The following COPG2 variants were observed in gnomAD, a reference collection of about 807,000 sequenced individuals.
COPG2 encodes coatomer subunit gamma-2.
A neutral mutation model predicts 46.3 loss-of-function variants in COPG2; 37 were observed. The ratio of observed to expected loss-of-function variants is 0.80; its 90% CI spans 0.61 to 1.05. The LOEUF (loss-of-function observed/expected upper bound fraction) is 1.05, where lower values mean the gene tolerates loss of function less well. Among genes scored for constraint, COPG2 ranks in the 50% least tolerant of loss-of-function variants. The pLI is 0.00. For missense variants in COPG2, 427 were observed against 387.8 expected (o/e 1.10, Z -0.85); for synonymous variants, 159 against 129.7 (o/e 1.23, Z -1.53).
rs540823983 is a variant in COPG2 at position 130,633,835 on chromosome 7, G to C, written c.324-16770C>G. 2.0e-5 allele frequency among the ~76,000 whole-genome samples: 3 copies of C among 152,214 alleles called. No homozygotes were observed. In the South Asian group the frequency reaches 6.2e-4, roughly 32 times the overall value. On this transcript the variant is annotated intron_variant, in intron 5 of 23. Coordinates refer to ENST00000425248, the MANE Select transcript of COPG2 (RefSeq NM_012133.6). ...ATGGTATTACCGAGGTTTTCTTCTA[G>C]GGTTTTTATGGTTTTAGGTCTTACA...
Position 130,515,052 on chromosome 7 carries a change from T to C in COPG2, c.2150-6393A>G, listed in dbSNP as rs1324086751. ...GGGAGAAGTTGAAGAGCAATGCTTCTTAGAATGTGTTACATGGCACTATCT... is the reference window on the plus strand; with the variant it reads ...GGGAGAAGTTGAAGAGCAATGCTTCCTAGAATGTGTTACATGGCACTATCT... On this transcript the variant is annotated intron_variant, in intron 20 of 23. Coordinates refer to ENST00000425248, the MANE Select transcript of COPG2 (RefSeq NM_012133.6). 4.6e-5 allele frequency among the ~76,000 whole-genome samples: 7 copies of C among 152,320 alleles called. No homozygotes were observed. The East Asian group carries it at 1.3e-3, about 29-fold the overall frequency.
chr7:130,619,564 T>A (rs1795003307), intron 5 of COPG2, among the ~76,000 whole-genome samples: 7 of 152,224 alleles, frequency 4.6e-5, no homozygotes, highest in Admixed American at 4.6e-4. Flanking sequence ...ATTATAACAT[T>A]TACATTCTAT....
intron 17 of COPG2, 75 bp downstream of exon 17, chr7:130,550,449 A>T: frequency 6.7e-6 from 2 of 299,938 alleles, no homozygotes; most frequent in Non-Finnish European, 1.2e-5. Flanking sequence ...CAATTAAATG[A>T]GTATTAGAGA....
intron 9 of COPG2, among the ~76,000 whole-genome samples, chr7:130,566,522 T>C (rs1470991589): frequency 6.6e-6 from 1 of 152,158 alleles, no homozygotes; most frequent in Non-Finnish European, 1.5e-5. Flanking sequence ...AAGGCGAGGA[T>C]TAAAGAAAGA....
intron 11 of COPG2, among the ~76,000 whole-genome samples, chr7:130,562,645 A>C (rs1793737353): frequency 6.6e-6 from 1 of 152,226 alleles, no homozygotes; most frequent in African/African-American, 2.4e-5. Context: ...ATCCAAACTG[A>C]GTATGCTGTA....
chr7:130,524,608 G>A (rs1329578975), intron 20 of COPG2, among the ~76,000 whole-genome samples: 15 of 152,138 alleles, frequency 9.9e-5, no homozygotes, highest in African/African-American at 2.2e-4. Flanking sequence ...CATGCCAGGC[G>A]CCAAGAGGGA....
intron 9 of COPG2, among the ~76,000 whole-genome samples, chr7:130,598,090 T>C (rs781820324): frequency 2.0e-5 from 3 of 151,958 alleles, no homozygotes; most frequent in Non-Finnish European, 4.4e-5. Flanking sequence ...CCGCTTCTAG[T>C]GTAGGAAGCT....
At chr7:130,538,127 C>A (rs1361078718) in intron 20 of COPG2, among the ~76,000 whole-genome samples, 4 of 152,172 alleles carry the variant, frequency 2.6e-5, no homozygotes, top group Admixed American at 2.6e-4. Context: ...AGGAAAGATT[C>A]CTGAGTCTGT....
intron 5 of COPG2, among the ~76,000 whole-genome samples, chr7:130,648,691 T>C (rs1008873215): frequency 3.7e-4 from 56 of 152,338 alleles, no homozygotes; most frequent in African/African-American, 1.3e-3. Flanking sequence ...AATTCTGAAA[T>C]CCAGTTAGGC....
intron 9 of COPG2, chr7:130,604,773 T>C (rs1563056739): frequency 3.9e-6 from 2 of 507,442 alleles, no homozygotes; most frequent in Admixed American, 2.0e-5. Flanking sequence ...AAGCTTTTAA[T>C]AGTCCACCAA....
intron 9 of COPG2, among the ~76,000 whole-genome samples, chr7:130,578,785 G>A (rs1554446707): frequency 1.3e-5 from 2 of 151,214 alleles, no homozygotes; most frequent in African/African-American, 4.9e-5. Context: ...AAGCGAGAAG[G>A]GAAGTTTAGA....
intron 4 of COPG2, among the ~76,000 whole-genome samples, chr7:130,656,770 C>T (rs1489157496): frequency 6.6e-6 from 1 of 151,844 alleles, no homozygotes; most frequent in Non-Finnish European, 1.5e-5. Context: ...ACACTGAAAA[C>T]TATAAAATAC....
chr7:130,507,019 C>A (rs1418933884), intron 23 of COPG2, among the ~76,000 whole-genome samples: 1 of 152,096 alleles, frequency 6.6e-6, no homozygotes, highest in African/African-American at 2.4e-5. Flanking sequence ...TTCAAAAATA[C>A]CAATTTGGAG....
chr7:130,580,519 G>C (rs1162202223), intron 9 of COPG2, among the ~76,000 whole-genome samples: 41 of 134,738 alleles, frequency 3.0e-4, no homozygotes, highest in Non-Finnish European at 1.6e-5. Context: ...AGGAAATAGA[G>C]ACACAAAAAA....
At chr7:130,645,161 T>A in intron 5 of COPG2, 1 of 552,552 alleles carries the variant, frequency 1.8e-6, no homozygotes, top group Admixed American at 2.3e-5. Context: ...AGTAAGAAAA[T>A]ATGGTCCTCA....
In COPG2 at chr7:130,516,943, TGGCACAG is replaced by T. The variant is rs1799683198; in HGVS notation, c.2150-8291_2150-8285del. 2.0e-5 allele frequency among the ~76,000 whole-genome samples: 3 copies of T among 152,046 alleles called. No individual in the cohort carries two copies. The South Asian group carries it at 6.2e-4, about 32-fold the overall frequency. On this transcript the variant is annotated intron_variant, in intron 20 of 23. Coordinates refer to ENST00000425248, the MANE Select transcript of COPG2 (RefSeq NM_012133.6). The stretch of plus-strand genomic sequence containing the variant: ...GCACAGACAAATACAGTGGAGAATG[TGGCACAG>T]GGCAGAGGGCAGTGGGCTGAGCAGC...
chr7:130,666,797 C>A, intron 3 of COPG2, 52 bp downstream of exon 3: 1 of 783,854 alleles, frequency 1.3e-6, no homozygotes, highest in South Asian at 1.6e-5. Flanking sequence ...ACTGAATCTT[C>A]AGTATTTCTA....
At chr7:130,652,114 T>C (rs1554459213) in intron 5 of COPG2, among the ~76,000 whole-genome samples, 1 of 152,246 alleles carries the variant, frequency 6.6e-6, no homozygotes, top group Non-Finnish European at 1.5e-5. Context: ...ATTTTATCAA[T>C]GGTAGACACG....
intron 20 of COPG2, among the ~76,000 whole-genome samples, chr7:130,515,399 C>T (rs1321880346): frequency 6.6e-6 from 1 of 152,064 alleles, no homozygotes; most frequent in African/African-American, 2.4e-5. Context: ...AAGAACAGCA[C>T]CAAGGGGATG....
Sources: allele counts gnomAD v4.1 joint callset (sites outside exome capture counted in the v4.1 genomes callset), GRCh38; gene constraint gnomAD v4.1.1; transcripts MANE v1.5; gene names NCBI Gene and HGNC (gene_info 2026-07-23, HGNC 2026-07-21).